The following ATP13A4 variants were observed in gnomAD, a reference collection of about 807,000 sequenced individuals.
ATP13A4 encodes the protein probable cation-transporting ATPase 13A4.
Under a neutral mutation model 142.5 loss-of-function variants are expected in ATP13A4, and 114 were observed. That is an observed-to-expected ratio of 0.80 (90% CI 0.69 to 0.93). ATP13A4 has a LOEUF of 0.93. ATP13A4 is among the 40% of genes least tolerant of loss of function. ATP13A4 has a pLI of 0.00. For missense variants in ATP13A4, 1,392 were observed against 1,454.0 expected (o/e 0.96, Z 0.69); for synonymous variants, 488 against 514.8 (o/e 0.95, Z 0.70).
In ATP13A4 at chr3:193,470,984, T is replaced by A. The variant is rs745845139; in HGVS notation, c.818A>T (p.Gln273Leu). The part of the protein sequence containing the change: ...VSVCGRKAGV[Q>L]ELESRVLVPG... ...CACCAGGACGCGTGATTCCAGCTCTTGAACTCCAGCTGAAAGTGGGAGGAG... is the reference window on the plus strand; with the variant it reads ...CACCAGGACGCGTGATTCCAGCTCTAGAACTCCAGCTGAAAGTGGGAGGAG... Residue 273 changes from glutamine (Q) to leucine (L), a missense_variant, in exon 9 of 30, where the codon CAA (glutamine) becomes CTA (leucine). By Grantham distance (113) the Gln-to-Leu change is moderately radical (BLOSUM62 -2). Coordinates refer to ENST00000342695, the MANE Select transcript of ATP13A4 (RefSeq NM_032279.4). 1.2e-6 allele frequency: 2 copies of A among 1,614,180 alleles called. No individual in the cohort carries two copies. The highest frequency in any genetic ancestry group is 4.5e-5 in the East Asian group (2 of 44,882).
At chr3:193,554,439 C>T (rs1723776609) in intron 1 of ATP13A4, 1 of 461,262 alleles carries the variant, frequency 2.2e-6, no homozygotes. Flanking sequence ...CAATGAGGCT[C>T]AAACAAGAAT....
upstream of ATP13A4, among the ~76,000 whole-genome samples, chr3:193,556,634 G>T (rs56346741): frequency 4.5e-3 from 686 of 151,840 alleles, 8 homozygotes; most frequent in African/African-American, 0.016. Flanking sequence ...TATGGGGGGG[G>T]TAATAAAAAT....
At chr3:193,438,440 G>T in intron 23 of ATP13A4, 35 bp downstream of exon 23, 1 of 1,498,564 alleles carries the variant, frequency 6.7e-7, no homozygotes, top group Non-Finnish European at 9.3e-7. Context: ...GAAGTCAAGA[G>T]AGAGAAAACA....
At chr3:193,422,135 C>T (rs1395784098) in intron 25 of ATP13A4, among the ~76,000 whole-genome samples, 2 of 149,760 alleles carry the variant, frequency 1.3e-5, no homozygotes, top group East Asian at 4.1e-4. Flanking sequence ...CAAAAGAGAG[C>T]AAGATTGGCT....
intron 15 of ATP13A4, 61 bp downstream of exon 15, chr3:193,457,318 G>A (rs941393925): frequency 3.1e-6 from 5 of 1,595,648 alleles, no homozygotes; most frequent in Non-Finnish European, 4.3e-6. Flanking sequence ...CAAAAACTGG[G>A]GGCCAGAAGA....
intron 9 of ATP13A4, among the ~76,000 whole-genome samples, chr3:193,470,479 C>G (rs1344592845): frequency 6.6e-6 from 1 of 152,060 alleles, no homozygotes; most frequent in African/African-American, 2.4e-5. Flanking sequence ...TTCAAACCCT[C>G]CAAGTTTATT....
chr3:193,557,246 T>C (rs1406948478), upstream of ATP13A4, among the ~76,000 whole-genome samples: 1 of 152,224 alleles, frequency 6.6e-6, no homozygotes, highest in Non-Finnish European at 1.5e-5. Context: ...GAAAATTATT[T>C]TCCACAAACC....
intron 26 of ATP13A4, among the ~76,000 whole-genome samples, chr3:193,413,459 A>G (rs1259982189): frequency 1.3e-5 from 2 of 152,240 alleles, no homozygotes; most frequent in Admixed American, 1.3e-4. Flanking sequence ...CTGACTGCCT[A>G]CAGGGTCAGG....
intron 1 of ATP13A4, among the ~76,000 whole-genome samples, chr3:193,520,398 CAT>C (rs1281623183): frequency 6.6e-6 from 1 of 152,226 alleles, no homozygotes; most frequent in Non-Finnish European, 1.5e-5. Flanking sequence ...CTAGTCACAT[CAT>C]TTGCATTACA....
Position 193,514,760 on chromosome 3 carries a change from C to T in ATP13A4, c.172G>A (p.Val58Ile), listed in dbSNP as rs149643418. ...GAACATGGGACACAATGTGCCCATACGTGCCATGCTGGTCTCCAGTAAAAC... is the reference window on the plus strand; with the variant it reads ...GAACATGGGACACAATGTGCCCATATGTGCCATGCTGGTCTCCAGTAAAAC... ...LVFYWRPAWH[V>I]WAHCVPCSLQ... The change falls in exon 2 of 30, where the codon GTA becomes ATA. Residue 58 changes from valine (V) to isoleucine (I), a missense_variant. Physicochemically the swap from Val to Ile is conservative, Grantham distance 29. Transcript: ENST00000342695. 111 of 1,614,164 alleles carry T rather than the reference C, an allele frequency of 6.9e-5. 1 individual carries two copies. The highest frequency in any genetic ancestry group is 6.7e-4 in the South Asian group (61 of 91,080).
Position 193,505,913 on chromosome 3 carries a change from T to C in ATP13A4, c.235-3274A>G, listed in dbSNP as rs1410995255. Among the ~76,000 whole-genome samples, 5 of 152,336 alleles carry C rather than the reference T, an allele frequency of 3.3e-5. No individual in the cohort carries two copies. The South Asian group carries it at 1.0e-3, about 32-fold the overall frequency. On this transcript the variant is annotated intron_variant, in intron 2 of 29. Coordinates refer to ENST00000342695, the MANE Select transcript of ATP13A4 (RefSeq NM_032279.4). Reference sequence around the variant, plus strand: ...AAACTGTCTTACAACTGTCTGAAGCTAATTTTCTTTATTTAGAAAATGGAA... The same window carrying C: ...AAACTGTCTTACAACTGTCTGAAGCCAATTTTCTTTATTTAGAAAATGGAA...
At chr3:193,439,646 A>T (rs1716509247) in intron 21 of ATP13A4, among the ~76,000 whole-genome samples, 1 of 152,176 alleles carries the variant, frequency 6.6e-6, no homozygotes, top group East Asian at 1.9e-4. Flanking sequence ...AAGAAAACAC[A>T]TCCTTGTTTC....
At chr3:193,481,643 A>C (rs1719300619) in intron 8 of ATP13A4, among the ~76,000 whole-genome samples, 2 of 152,258 alleles carry the variant, frequency 1.3e-5, no homozygotes, top group South Asian at 4.1e-4. Flanking sequence ...CATCTATGGT[A>C]TTTTCTTGGC....
rs747746186 is a variant in ATP13A4 at position 193,536,730 on chromosome 3, C to A, written c.60+18010G>T. ...TCTGTAGAAAATACCCAAAAATCTACCAAAAACTACCTTCTAGAATTAATG... is the reference window on the plus strand; with the variant it reads ...TCTGTAGAAAATACCCAAAAATCTAACAAAAACTACCTTCTAGAATTAATG... On this transcript the variant is annotated intron_variant, in intron 1 of 29. Coordinates refer to ENST00000342695, the MANE Select transcript of ATP13A4 (RefSeq NM_032279.4). Among the ~76,000 whole-genome samples the A allele has an allele frequency of 4.6e-5, 7 of 152,016 alleles. No individual in the cohort carries two copies. The South Asian group carries it at 1.2e-3, about 27-fold the overall frequency.
chr3:193,554,780 C>G lies in ATP13A4; in HGVS notation c.20G>C (p.Gly7Ala). The change falls in exon 1 of 30, where the codon GGC becomes GCC. Residue 7 changes from glycine (G) to alanine (A), a missense_variant. Physicochemically the swap from Gly to Ala is moderately conservative, Grantham distance 60. Transcript: ENST00000342695. MGHFEK[G>A]QHALLNEGEE... ...TCCTTCATTGAGCAGAGCGTGCTGG[C>G]CCTTCTCAAAGTGTCCCATGAAAAA... The G allele has an allele frequency of 1.2e-6, 2 of 1,613,898 alleles. No individual in the cohort carries two copies. Among genetic ancestry groups the G allele is most frequent in the South Asian group, 2.2e-5 (2 of 91,066 alleles).
chr3:193,462,752 A>G lies in ATP13A4; in HGVS notation c.1523+10T>C. ...AGAATGCATTTAGTCCAAGAGTCCA[A>G]GGTACTCACCCATTCCTATCACAGG... On this transcript the variant is annotated intron_variant, in intron 13 of 29. Coordinates refer to ENST00000342695, the MANE Select transcript of ATP13A4 (RefSeq NM_032279.4). The G allele has an allele frequency of 6.2e-7, 1 of 1,611,752 alleles. No individual in the cohort carries two copies. The highest frequency in any genetic ancestry group is 1.1e-5 in the South Asian group (1 of 91,012).
At chr3:193,551,340 G>C (rs561300874) in intron 1 of ATP13A4, among the ~76,000 whole-genome samples, 7 of 152,188 alleles carry the variant, frequency 4.6e-5, no homozygotes, top group Admixed American at 1.3e-4. Flanking sequence ...TTGAACCCAG[G>C]AGGCAGAGGT....
At chr3:193,577,376 C>G (rs558270396) in intron 2 of ATP13A4, among the ~76,000 whole-genome samples, 34 of 152,344 alleles carry the variant, frequency 2.2e-4, no homozygotes, top group African/African-American at 7.9e-4. Flanking sequence ...CACCTTTACT[C>G]TTACCATTCT....
chr3:193,491,248 A>G (rs553626648), intron 6 of ATP13A4, 81 bp downstream of exon 6: 5 of 1,024,300 alleles, frequency 4.9e-6, no homozygotes, highest in South Asian at 3.8e-5. Context: ...CTTATTAACA[A>G]TTAGCACTCC....
Sources: gnomAD v4.1 joint callset for allele counts (sites outside exome capture counted in the v4.1 genomes callset) on GRCh38, gnomAD v4.1.1 for gene constraint, MANE v1.5 for transcripts, NCBI Gene and HGNC (gene_info 2026-07-23, HGNC 2026-07-21) for gene names.